The following GOLGA7 variants were observed in gnomAD, a reference collection of about 807,000 sequenced individuals.
GOLGA7 encodes the protein golgin A7, also known as golgin subfamily A member 7.
In GOLGA7, 10 loss-of-function variants were observed where a neutral mutation model predicts 21.1. The observed-to-expected ratio is 0.47, with a 90% CI of 0.29 to 0.80. GOLGA7 has a LOEUF of 0.80. Ranked by LOEUF, GOLGA7 falls within the 30% of genes least tolerant of loss-of-function variation. The pLI, the probability that GOLGA7 is intolerant of heterozygous loss-of-function variation, is 0.08. For missense variants in GOLGA7, 114 were observed against 166.8 expected (o/e 0.68, Z 1.74); for synonymous variants, 64 against 62.6 (o/e 1.02, Z -0.10).
chr8:41,492,357 A>G (rs1417308460), intron 1 of GOLGA7, among the ~76,000 whole-genome samples: 1 of 152,248 alleles, frequency 6.6e-6, no homozygotes, highest in Non-Finnish European at 1.5e-5. Context: ...TGTGTTTTAC[A>G]TGTTAAGATT....
At chr8:41,495,362 G>A (rs957827312) in intron 1 of GOLGA7, among the ~76,000 whole-genome samples, 9 of 151,516 alleles carry the variant, frequency 5.9e-5, no homozygotes, top group African/African-American at 2.2e-4. Flanking sequence ...TCAGTTCACT[G>A]CAACCTCCAC....
intron 2 of GOLGA7, among the ~76,000 whole-genome samples, chr8:41,500,668 G>T (rs188769051): frequency 2.6e-5 from 4 of 152,304 alleles, no homozygotes; most frequent in Admixed American, 2.0e-4. Context: ...GGGCTCAAGC[G>T]ATCCTCTCAC....
chr8:41,508,444 T>G (rs1258292115), intron 4 of GOLGA7, among the ~76,000 whole-genome samples: 1 of 152,198 alleles, frequency 6.6e-6, no homozygotes, highest in African/African-American at 2.4e-5. Context: ...AAAGGCTTTG[T>G]TTTGGAATAC....
chr8:41,504,263 A>G (rs547878785), intron 2 of GOLGA7, among the ~76,000 whole-genome samples: 1 of 152,194 alleles, frequency 6.6e-6, no homozygotes, highest in Non-Finnish European at 1.5e-5. Flanking sequence ...TTCTGAAGGA[A>G]TCCTTTCTTT....
chr8:41,496,203 G>A (rs575324689), intron 1 of GOLGA7, among the ~76,000 whole-genome samples: 33 of 152,178 alleles, frequency 2.2e-4, no homozygotes, highest in Non-Finnish European at 4.1e-4. Context: ...TTGTGAGCAC[G>A]CTTGCATGGG....
intron 1 of GOLGA7, 109 bp downstream of exon 1, chr8:41,491,074 A>T: frequency 1.4e-6 from 1 of 693,138 alleles, no homozygotes; most frequent in Non-Finnish European, 2.6e-6. Flanking sequence ...AGTTCTGGGG[A>T]GGTCCAGGCA....
rs568397972 is a variant in GOLGA7 at position 41,504,044 on chromosome 8, G to C, written c.265-1867G>C. 2.8e-3 allele frequency among the ~76,000 whole-genome samples: 404 copies of C among 144,332 alleles called. 3 individuals carry two copies. The highest frequency in any genetic ancestry group is 0.01 in the African/African-American group (387 of 38,552). The allele number at this position is 144,332 out of a possible 152,430, so 94.7% of individuals were successfully genotyped here. On this transcript the variant is annotated intron_variant, in intron 2 of 4. Transcript: ENST00000357743. ...TAGATGACACATTAGTGGGTGCAGC[G>C]CACCAGCATGGCACATGTATACATA...
At chr8:41,505,717 A>C in intron 2 of GOLGA7, 194 bp from the exon 3 acceptor site, 2 of 463,988 alleles carry the variant, frequency 4.3e-6, no homozygotes, top group South Asian at 7.9e-5. Flanking sequence ...TTTTGACTGG[A>C]AGAGTCCCTC....
At chr8:41,490,511 G>C, upstream of GOLGA7, 3 of 288,862 alleles carry the variant, frequency 1.0e-5, no homozygotes, top group Non-Finnish European at 2.0e-5. Context: ...GTGGGTCCCA[G>C]ACCTGAGGTA....
intron 1 of GOLGA7, among the ~76,000 whole-genome samples, chr8:41,496,961 C>G (rs1267810402): frequency 1.3e-5 from 2 of 151,976 alleles, no homozygotes; most frequent in Non-Finnish European, 2.9e-5. Context: ...GCACCCGCCA[C>G]CATGCCCGGC....
chr8:41,493,406 T>C (rs1563414289), intron 1 of GOLGA7, among the ~76,000 whole-genome samples: 1 of 152,228 alleles, frequency 6.6e-6, no homozygotes, highest in African/African-American at 2.4e-5. Context: ...TTTTTAAAAA[T>C]ACACACACAT....
At chr8:41,493,864 C>A in intron 1 of GOLGA7, among the ~76,000 whole-genome samples, 2 of 152,298 alleles carry the variant, frequency 1.3e-5, no homozygotes, top group Middle Eastern at 6.8e-3. Flanking sequence ...GTATCAGTGT[C>A]CAGGAACCTA....
At chr8:41,498,059 G>A (rs150832310) in intron 2 of GOLGA7, among the ~76,000 whole-genome samples, 2,095 of 152,240 alleles carry the variant, frequency 0.014, 135 homozygotes, top group Admixed American at 0.1. Context: ...AAGATGACCA[G>A]AAGTCAAACC....
rs769627888 is a variant in GOLGA7, at chr8:41,497,652, T to C, written c.255T>C (p.His85=). ...AYTIFLCMET[H]YEKVLKKVSK... The stretch of plus-strand genomic sequence containing the variant: ...CCATCTTCCTATGCATGGAAACTCA[T>C]TATGAGAAGGTAATGCTACATTTGT... The change falls in exon 2 of 5, where the codon CAT becomes CAC. Residue 85 remains histidine, a synonymous_variant. Transcript: ENST00000357743. 6.5e-7 allele frequency: 1 copy of C among 1,533,062 alleles called. No individual in the cohort carries two copies. The highest frequency in any genetic ancestry group is 8.9e-7 in the Non-Finnish European group (1 of 1,117,464). The allele number at this position is 1,533,062 out of a possible 1,614,324, so 95.0% of individuals were successfully genotyped here.
At chr8:41,509,468 G>A (rs1175606316) in intron 4 of GOLGA7, 116 bp from the exon 5 acceptor site, 1 of 152,382 alleles carries the variant, frequency 6.6e-6, no homozygotes, top group African/African-American at 2.4e-5. Flanking sequence ...TAAAATTCTA[G>A]GTTAGTAGAA....
At chr8:41,501,002 T>G (rs567025881) in intron 2 of GOLGA7, among the ~76,000 whole-genome samples, 2 of 152,356 alleles carry the variant, frequency 1.3e-5, no homozygotes, top group African/African-American at 4.8e-5. Context: ...ATATTGCTAA[T>G]TTAAGGTAGA....
chr8:41,498,354 A>G (rs58186700), intron 2 of GOLGA7, among the ~76,000 whole-genome samples: 2 of 152,156 alleles, frequency 1.3e-5, no homozygotes, highest in African/African-American at 4.8e-5. Flanking sequence ...TACTTCCCCT[A>G]CTACTTCTGC....
At chr8:41,499,523 C>T (rs1345169522) in intron 2 of GOLGA7, among the ~76,000 whole-genome samples, 1 of 152,166 alleles carries the variant, frequency 6.6e-6, no homozygotes, top group Admixed American at 6.5e-5. Flanking sequence ...CCCCTGGAGT[C>T]AGGCCGCTCG....
intron 2 of GOLGA7, among the ~76,000 whole-genome samples, chr8:41,504,728 G>GT (rs1806242115): frequency 6.6e-6 from 1 of 152,132 alleles, no homozygotes; most frequent in Non-Finnish European, 1.5e-5. Flanking sequence ...TGAATAAAGT[G>GT]TTTAAATTAC....
Sources: gnomAD v4.1 joint callset for allele counts (sites outside exome capture counted in the v4.1 genomes callset) on GRCh38, gnomAD v4.1.1 for gene constraint, MANE v1.5 for transcripts, NCBI Gene and HGNC (gene_info 2026-07-23, HGNC 2026-07-21) for gene names.